Variants in GRB14 observed in about 807,000 individuals in gnomAD.
GRB14 encodes the protein growth factor receptor-bound protein 14.
GRB14 carries 38 observed loss-of-function variants against 69.1 expected under a neutral mutation model. That is an observed-to-expected ratio of 0.55 (90% CI 0.42 to 0.72). The LOEUF (loss-of-function observed/expected upper bound fraction) is 0.72, where lower values mean the gene tolerates loss of function less well. Among genes scored for constraint, GRB14 ranks in the 30% least tolerant of loss-of-function variants. GRB14 has a pLI of 0.00. For missense variants in GRB14, 666 were observed against 666.1 expected (o/e 1.00, Z 0.00); for synonymous variants, 247 against 241.3 (o/e 1.02, Z -0.22).
intron 2 of GRB14, among the ~76,000 whole-genome samples, chr2:164,592,231 T>TTCACGCCATTCTCCCGCCTCA (rs1339392785): frequency 6.6e-6 from 1 of 152,004 alleles, no homozygotes; most frequent in Non-Finnish European, 1.5e-5. Flanking sequence ...GCCTCCCGGG[T>TTCACGCCATTCTCCCGCCTCA]TCACGCCATT....
Position 164,493,087 on chromosome 2 carries a change from C to T in GRB14, c.1572G>A (p.Lys524=). 6.2e-7 allele frequency: 1 copy of T among 1,613,602 alleles called. No individual in the cohort carries two copies. Among genetic ancestry groups the T allele is most frequent in the Non-Finnish European group, 8.5e-7 (1 of 1,179,688 alleles). Residue 524 remains lysine (K), a synonymous_variant, in exon 14 of 14, where the codon AAG becomes AAA. Transcript: ENST00000263915. ...IQLVEFYQLN[K]GVLPCKLKHY... is the part of the protein sequence containing the mutation. ...GTTTCAACTTGCAAGGAAGAACGCC[C>T]TTATTGAGTTGATAGAACTCCACCA...
chr2:164,570,639 A>C lies in GRB14; in HGVS notation c.325-22823T>G, dbSNP rs917684545. Among the ~76,000 whole-genome samples, 3 of 152,162 alleles carry C rather than the reference A, an allele frequency of 2.0e-5. No individual in the cohort carries two copies. The East Asian group carries it at 5.8e-4, about 29-fold the overall frequency. ...TTTGAAAAGTGAATAGAGGTGAGGA[A>C]TATGCAGAACTTGAAAACTGATGTG... On this transcript the variant is annotated intron_variant, in intron 2 of 13. Coordinates refer to ENST00000263915, the MANE Select transcript of GRB14 (RefSeq NM_004490.3).
intron 6 of GRB14, among the ~76,000 whole-genome samples, chr2:164,518,633 CAAGAA>C (rs1415904093): frequency 6.6e-6 from 1 of 151,588 alleles, no homozygotes; most frequent in African/African-American, 2.4e-5. Flanking sequence ...CAAGATTAAC[CAAGAA>C]AAGAAGAGAG....
intron 2 of GRB14, among the ~76,000 whole-genome samples, chr2:164,550,213 A>T (rs1688500528): frequency 6.6e-6 from 1 of 152,192 alleles, no homozygotes; most frequent in South Asian, 2.1e-4. Flanking sequence ...AATCTCCTAC[A>T]TATTGTCCTC....
intron 2 of GRB14, among the ~76,000 whole-genome samples, chr2:164,566,284 A>G (rs923252296): frequency 6.6e-6 from 1 of 152,196 alleles, no homozygotes; most frequent in Admixed American, 6.5e-5. Context: ...TGATTTTTAA[A>G]TCAGAAAATA....
rs373611562 is a variant in GRB14 at position 164,500,621 on chromosome 2, T to A, written c.1104+1634A>T. ...CAAAACAGATTCTAAGTTTCCTTCA[T>A]GTAAATTAATAATATTAAAGATGTA... On this transcript the variant is annotated intron_variant, in intron 9 of 13. Coordinates refer to ENST00000263915, the MANE Select transcript of GRB14 (RefSeq NM_004490.3). 4.6e-5 allele frequency among the ~76,000 whole-genome samples: 7 copies of A among 152,030 alleles called. No individual in the cohort carries two copies. In the East Asian group the frequency reaches 1.3e-3, roughly 29 times the overall value.
intron 2 of GRB14, among the ~76,000 whole-genome samples, chr2:164,586,117 G>A (rs895046715): frequency 3.3e-5 from 5 of 152,174 alleles, no homozygotes; most frequent in African/African-American, 1.2e-4. Flanking sequence ...TAAAGGAAGA[G>A]GTCATGAAGT....
chr2:164,555,150 T>C (rs1466378380), intron 2 of GRB14, among the ~76,000 whole-genome samples: 1 of 152,240 alleles, frequency 6.6e-6, no homozygotes, highest in Non-Finnish European at 1.5e-5. Flanking sequence ...GGCTAAGCAG[T>C]CAGCCTTTCT....
chr2:164,579,501 G>GCGCGCACGCGCA (rs71393628), intron 2 of GRB14, among the ~76,000 whole-genome samples: 1 of 145,010 alleles, frequency 6.9e-6, no homozygotes, highest in African/African-American at 2.6e-5. Context: ...GGGCACACTT[G>GCGCGCACGCGCA]CACACACACA....
intron 2 of GRB14, among the ~76,000 whole-genome samples, chr2:164,578,321 T>C (rs1228774955): frequency 6.6e-6 from 1 of 152,058 alleles, no homozygotes; most frequent in African/African-American, 2.4e-5. Flanking sequence ...AAAAACAATT[T>C]TGACTCATAA....
intron 2 of GRB14, among the ~76,000 whole-genome samples, chr2:164,610,507 T>A (rs186788993): frequency 2.0e-4 from 31 of 152,196 alleles, no homozygotes; most frequent in African/African-American, 7.0e-4. Flanking sequence ...AGATTCAATT[T>A]TATTTTTGCA....
chr2:164,562,086 A>G (rs1688844185), intron 2 of GRB14, among the ~76,000 whole-genome samples: 1 of 152,236 alleles, frequency 6.6e-6, no homozygotes. Flanking sequence ...GTAATTAGAT[A>G]CCAACTTTGT....
chr2:164,583,831 G>A (rs1025091731), intron 2 of GRB14, among the ~76,000 whole-genome samples: 1 of 151,968 alleles, frequency 6.6e-6, no homozygotes, highest in African/African-American at 2.4e-5. Flanking sequence ...TAAACATTGC[G>A]GAAAAGTTCG....
chr2:164,520,394 A>C (rs1166634465), intron 6 of GRB14, among the ~76,000 whole-genome samples: 1 of 152,188 alleles, frequency 6.6e-6, no homozygotes, highest in East Asian at 1.9e-4. Flanking sequence ...ACCTGAAGCC[A>C]CAAAAGTTTC....
At chr2:164,574,949 A>G (rs1487616567) in intron 2 of GRB14, among the ~76,000 whole-genome samples, 3 of 152,074 alleles carry the variant, frequency 2.0e-5, no homozygotes, top group Non-Finnish European at 2.9e-5. Flanking sequence ...AAAAAAAAAA[A>G]AAACTCAGTG....
chr2:164,545,706 A>C (rs970912575), intron 3 of GRB14, among the ~76,000 whole-genome samples: 3 of 152,232 alleles, frequency 2.0e-5, no homozygotes, highest in Non-Finnish European at 4.4e-5. Context: ...AGTTCAAAGA[A>C]TCGAATGACA....
chr2:164,507,674 G>C (rs1411026482), intron 8 of GRB14, among the ~76,000 whole-genome samples: 3 of 152,084 alleles, frequency 2.0e-5, no homozygotes, highest in Non-Finnish European at 4.4e-5. Flanking sequence ...CACTTTCCCT[G>C]GATTGTATCT....
chr2:164,588,197 T>C (rs1043711770), intron 2 of GRB14, among the ~76,000 whole-genome samples: 5 of 152,228 alleles, frequency 3.3e-5, no homozygotes, highest in African/African-American at 4.8e-5. Flanking sequence ...AAAACCTTTT[T>C]ATTATTTAAA....
intron 6 of GRB14, among the ~76,000 whole-genome samples, chr2:164,509,696 C>A (rs1410518889): frequency 6.9e-6 from 1 of 145,864 alleles, no homozygotes; most frequent in Non-Finnish European, 1.5e-5. Flanking sequence ...GTTAGCAATG[C>A]AAACTTTCAG....
Sources: allele counts gnomAD v4.1 joint callset (sites outside exome capture counted in the v4.1 genomes callset), GRCh38; gene constraint gnomAD v4.1.1; transcripts MANE v1.5; gene names NCBI Gene and HGNC (gene_info 2026-07-23, HGNC 2026-07-21).